The following GCNT1 variants were observed in gnomAD, a reference collection of about 807,000 sequenced individuals.
GCNT1 encodes glucosaminyl (N-acetyl) transferase 1.
In GCNT1, 16 loss-of-function variants were observed where a neutral mutation model predicts 26.2. The observed-to-expected ratio is 0.61, with a 90% CI of 0.41 to 0.93. The LOEUF (loss-of-function observed/expected upper bound fraction) is 0.93. Ranked by LOEUF, GCNT1 falls within the 40% of genes least tolerant of loss-of-function variation. The pLI is 0.00. For synonymous variants in GCNT1, 183 were observed against 190.8 expected (o/e 0.96, Z 0.34); for missense variants, 477 against 526.7 (o/e 0.91, Z 0.92).
chr9:76,492,279 C>G lies in GCNT1; in HGVS notation c.-289-8637C>G, dbSNP rs56014627. 3.9e-5 allele frequency among the ~76,000 whole-genome samples: 6 copies of G among 152,086 alleles called. No homozygotes were observed. In the East Asian group the frequency reaches 5.8e-4, roughly 15 times the overall value. On this transcript the variant is annotated intron_variant, in intron 2 of 3. Transcript: ENST00000376730. ...TTCCCCATATTCATGTAGATAATAG[C>G]TCCAGCTATGGATAATATGTCCCTC...
upstream of GCNT1, among the ~76,000 whole-genome samples, chr9:76,419,034 C>T (rs1009937296): frequency 6.6e-6 from 1 of 152,140 alleles, no homozygotes; most frequent in African/African-American, 2.4e-5. Context: ...GTCAGAGAGA[C>T]CTCGAGGCTG....
intron 2 of GCNT1, among the ~76,000 whole-genome samples, chr9:76,491,343 G>A (rs1824732077): frequency 6.6e-6 from 1 of 152,152 alleles, no homozygotes; most frequent in Admixed American, 6.5e-5. Flanking sequence ...GGCAGTGTAA[G>A]ACTGCCACCT....
At chr9:76,439,230 T>C (rs1004448989), upstream of GCNT1, among the ~76,000 whole-genome samples, 9 of 145,544 alleles carry the variant, frequency 6.2e-5, no homozygotes, top group East Asian at 2.0e-4. Context: ...TTTCTTTTTT[T>C]TTTTTTTTTT....
chr9:76,416,921 G>A (rs887350270), upstream of GCNT1, among the ~76,000 whole-genome samples: 4 of 149,402 alleles, frequency 2.7e-5, no homozygotes, highest in African/African-American at 5.1e-5. Flanking sequence ...TTAGCTGGGT[G>A]TGGTGGTGGG....
intron 1 of GCNT1, among the ~76,000 whole-genome samples, chr9:76,434,422 C>G (rs911112223): frequency 2.0e-5 from 3 of 152,176 alleles, no homozygotes; most frequent in African/African-American, 7.2e-5. Flanking sequence ...ACATTTATCA[C>G]TCCCCTAATA....
intron 2 of GCNT1, among the ~76,000 whole-genome samples, chr9:76,489,957 T>C (rs502417): frequency 0.82 from 124,075 of 151,458 alleles, 51,427 homozygotes; most frequent in African/African-American, 0.94. Context: ...ATTTGTAAGA[T>C]CATCTGTAGC....
At chr9:76,425,316 A>G (rs1823245917) in intron 1 of GCNT1, among the ~76,000 whole-genome samples, 1 of 151,736 alleles carries the variant, frequency 6.6e-6, no homozygotes, top group Admixed American at 6.6e-5. Flanking sequence ...TCCGCCTCTC[A>G]GGTTCAAGTG....
the GCNT1 span, among the ~76,000 whole-genome samples, chr9:76,400,809 A>T: frequency 6.6e-6 from 1 of 152,194 alleles, no homozygotes; most frequent in African/African-American, 2.4e-5. Flanking sequence ...TAAACAGAGA[A>T]GAGGAAAGAA....
chr9:76,437,033 A>G (rs1307134911), upstream of GCNT1, among the ~76,000 whole-genome samples: 1 of 152,132 alleles, frequency 6.6e-6, no homozygotes, highest in Admixed American at 6.5e-5. Context: ...GGTGCAGCAC[A>G]CCAACATGGC....
chr9:76,479,583 G>A (rs990340541), intron 2 of GCNT1, among the ~76,000 whole-genome samples: 2 of 152,190 alleles, frequency 1.3e-5, no homozygotes, highest in Admixed American at 6.5e-5. Context: ...TCTCATTGCA[G>A]TTTTGATTTG....
chr9:76,399,550 C>T, the GCNT1 span: 59 of 1,528,916 alleles, frequency 3.9e-5, no homozygotes, highest in Middle Eastern at 7.6e-4. Context: ...CTGCTCAGGC[C>T]ACTGAATGGG....
At chr9:76,405,079 A>T in the GCNT1 span, among the ~76,000 whole-genome samples, 2 of 152,140 alleles carry the variant, frequency 1.3e-5, no homozygotes, top group African/African-American at 2.4e-5. Context: ...TCAGCCTCCC[A>T]AAGTGCTGGG....
chr9:76,500,173 T>C (rs1000838316), intron 2 of GCNT1, among the ~76,000 whole-genome samples: 3 of 152,120 alleles, frequency 2.0e-5, no homozygotes, highest in Non-Finnish European at 4.4e-5. Flanking sequence ...TAGTTTATAA[T>C]GTGTCAACCA....
chr9:76,489,692 G>T (rs185896809), intron 2 of GCNT1, among the ~76,000 whole-genome samples: 19 of 152,270 alleles, frequency 1.2e-4, no homozygotes, highest in African/African-American at 4.3e-4. Context: ...AGACAGAAAA[G>T]TTCTCCAAGT....
At chr9:76,398,058 C>G in the GCNT1 span, among the ~76,000 whole-genome samples, 39 of 152,248 alleles carry the variant, frequency 2.6e-4, no homozygotes, top group Admixed American at 1.8e-3. Flanking sequence ...TTTATTTCCC[C>G]CTCTGAACTG....
At chr9:76,437,021 C>T (rs767893884), upstream of GCNT1, among the ~76,000 whole-genome samples, 12 of 151,968 alleles carry the variant, frequency 7.9e-5, no homozygotes, top group Non-Finnish European at 1.8e-4. Flanking sequence ...GATAAGTTAA[C>T]GGGTGCAGCA....
At chr9:76,412,692 C>T in the GCNT1 span, among the ~76,000 whole-genome samples, 15 of 152,208 alleles carry the variant, frequency 9.9e-5, no homozygotes, top group Non-Finnish European at 1.8e-4. Context: ...ACCCTTGACA[C>T]AGCTTCTGGT....
chr9:76,453,175 A>T (rs1018511894), intron 1 of GCNT1, among the ~76,000 whole-genome samples: 5 of 152,106 alleles, frequency 3.3e-5, no homozygotes, highest in Admixed American at 6.5e-5. Context: ...AGCACAGGAG[A>T]TCCCTGCTTC....
intron 2 of GCNT1, among the ~76,000 whole-genome samples, chr9:76,465,397 T>C (rs1021449079): frequency 6.6e-6 from 1 of 152,200 alleles, no homozygotes; most frequent in Non-Finnish European, 1.5e-5. Context: ...GTCCTAGGAT[T>C]ACAGGTGTGA....
Sources: gnomAD v4.1 joint callset for allele counts (sites outside exome capture counted in the v4.1 genomes callset) on GRCh38, gnomAD v4.1.1 for gene constraint, MANE v1.5 for transcripts, NCBI Gene and HGNC (gene_info 2026-07-23, HGNC 2026-07-21) for gene names.